The following XKR4 variants were observed in gnomAD, a reference collection of about 807,000 sequenced individuals.
XKR4 encodes XK related 4.
A neutral mutation model predicts 53.9 loss-of-function variants in XKR4; 12 were observed. The ratio of observed to expected loss-of-function variants is 0.22; its 90% CI spans 0.14 to 0.36. The LOEUF (loss-of-function observed/expected upper bound fraction) is 0.36. Ranked by LOEUF, XKR4 falls within the 10% of genes least tolerant of loss-of-function variation. The pLI is 1.00. For synonymous variants in XKR4, 354 were observed against 362.4 expected (o/e 0.98, Z 0.26); for missense variants, 799 against 859.5 (o/e 0.93, Z 0.88).
intron 1 of XKR4, among the ~76,000 whole-genome samples, chr8:55,303,378 G>C (rs1407729884): frequency 6.6e-6 from 1 of 152,138 alleles, no homozygotes; most frequent in African/African-American, 2.4e-5. Flanking sequence ...GCTTTTTGAT[G>C]TGCTGCTGGA....
At position 55,524,642 on chromosome 8, in the gene XKR4, C is replaced by T. The variant is rs984799305; in HGVS notation, c.*415C>T. ...CTAACACACATAAGTTACACCAGTCCTCTGTCAAAAAAGCTTAGGTGACTT... is the reference window on the plus strand; with the variant it reads ...CTAACACACATAAGTTACACCAGTCTTCTGTCAAAAAAGCTTAGGTGACTT... On this transcript the variant is annotated 3_prime_UTR_variant, in exon 3 of 3. Transcript: ENST00000327381. 3 of 159,164 alleles carry T rather than the reference C, an allele frequency of 1.9e-5. No individual in the cohort carries two copies. Among genetic ancestry groups the T allele is most frequent in the African/African-American group, 7.2e-5 (3 of 41,730 alleles). 9.9% of individuals were successfully genotyped at this position (159,164 alleles called of 1,614,324 possible). A position where few individuals can be genotyped will look rare whatever the true frequency, so the allele number is the denominator to read the frequency against.
intron 1 of XKR4, among the ~76,000 whole-genome samples, chr8:55,159,245 T>C (rs1816950996): frequency 1.3e-5 from 2 of 152,186 alleles, no homozygotes; most frequent in Non-Finnish European, 2.9e-5. Context: ...CTTTTATTGG[T>C]AGAAGTAGTC....
At chr8:55,445,381 A>G (rs1290401483) in intron 2 of XKR4, among the ~76,000 whole-genome samples, 3 of 152,186 alleles carry the variant, frequency 2.0e-5, no homozygotes, top group Admixed American at 1.3e-4. Context: ...TTAAAACACA[A>G]TGTTGGGTGG....
At chr8:55,329,585 T>A (rs549735663) in intron 1 of XKR4, among the ~76,000 whole-genome samples, 77 of 152,328 alleles carry the variant, frequency 5.1e-4, no homozygotes, top group Middle Eastern at 6.8e-3. Context: ...ATTTGACATG[T>A]CTTAACTTAG....
At position 55,529,800 on chromosome 8, in the gene XKR4, A is replaced by G. The variant is rs1737233986; in HGVS notation, c.*5573A>G. On this transcript the variant is annotated 3_prime_UTR_variant, in exon 3 of 3. Coordinates refer to ENST00000327381, the MANE Select transcript of XKR4 (RefSeq NM_052898.2). ...CCAAGAAAATTTTATTTAAAAGTCA[A>G]AGATGTCCTTCAAAATGAACAGTTA... 1 of 152,152 alleles carries G rather than the reference A, an allele frequency of 6.6e-6. No homozygotes were observed. The highest frequency in any genetic ancestry group is 2.1e-4 in the South Asian group (1 of 4,816). 9.4% of individuals were successfully genotyped at this position (152,152 alleles called of 1,614,324 possible). A position where few individuals can be genotyped will look rare whatever the true frequency, so the allele number is the denominator to read the frequency against.
chr8:55,137,811 A>T (rs1034677845), intron 1 of XKR4, among the ~76,000 whole-genome samples: 5 of 152,026 alleles, frequency 3.3e-5, no homozygotes, highest in African/African-American at 1.2e-4. Flanking sequence ...ATCTCAAGTG[A>T]TCCTCCCACC....
chr8:55,313,143 T>A (rs1178764280), intron 1 of XKR4, among the ~76,000 whole-genome samples: 2 of 152,204 alleles, frequency 1.3e-5, no homozygotes, highest in Non-Finnish European at 2.9e-5. Flanking sequence ...GTTATTATTA[T>A]GCATTTCCCA....
intron 1 of XKR4, among the ~76,000 whole-genome samples, chr8:55,188,969 G>T (rs1817411636): frequency 6.6e-6 from 1 of 152,130 alleles, no homozygotes; most frequent in South Asian, 2.1e-4. Flanking sequence ...CTGCTCTGTG[G>T]TAGGTGATAG....
intron 2 of XKR4, among the ~76,000 whole-genome samples, chr8:55,415,803 T>G (rs1185677924): frequency 2.0e-5 from 3 of 152,202 alleles, no homozygotes; most frequent in Non-Finnish European, 4.4e-5. Flanking sequence ...AACTGTAGAC[T>G]TGGGCATAAG....
chr8:55,490,776 A>C (rs1806259137), intron 2 of XKR4, among the ~76,000 whole-genome samples: 1 of 149,574 alleles, frequency 6.7e-6, no homozygotes, highest in Non-Finnish European at 1.5e-5. Flanking sequence ...TAGCAATTTA[A>C]TACAAAGTAC....
rs543012877 is a variant in XKR4, at chr8:55,126,644, A to T, written c.806+23350A>T. ...GCCCATCACAACCCAGAGAAGTTCC[A>T]TAAAAAGTTCCCATCAGACTTTCAG... is the stretch of plus-strand genomic sequence containing the variant. On this transcript the variant is annotated intron_variant, in intron 1 of 2. Transcript: ENST00000327381. Among the ~76,000 whole-genome samples the T allele has an allele frequency of 5.1e-4, 77 of 152,360 alleles. No individual in the cohort carries two copies. The South Asian group carries it at 0.015, about 29-fold the overall frequency.
intron 1 of XKR4, among the ~76,000 whole-genome samples, chr8:55,331,214 G>T (rs993920422): frequency 6.6e-6 from 1 of 152,068 alleles, no homozygotes; most frequent in African/African-American, 2.4e-5. Flanking sequence ...TTGGGCCATT[G>T]ATTATTTAAC....
chr8:55,109,069 G>A (rs1259388730), intron 1 of XKR4, among the ~76,000 whole-genome samples: 1 of 152,174 alleles, frequency 6.6e-6, no homozygotes, highest in East Asian at 1.9e-4. Context: ...GGCCCCCTGG[G>A]ACAAAATGGG....
chr8:55,151,337 A>G (rs983251979), intron 1 of XKR4, among the ~76,000 whole-genome samples: 1 of 152,238 alleles, frequency 6.6e-6, no homozygotes, highest in African/African-American at 2.4e-5. Context: ...GCTATGGGAA[A>G]AACAGCAGGA....
chr8:55,189,036 G>A (rs532517071), intron 1 of XKR4, among the ~76,000 whole-genome samples: 14 of 152,294 alleles, frequency 9.2e-5, no homozygotes, highest in Middle Eastern at 3.4e-3. Context: ...ACACACAAGT[G>A]TAATTTGAGG....
chr8:55,202,070 A>C (rs1817582909), intron 1 of XKR4, among the ~76,000 whole-genome samples: 1 of 152,252 alleles, frequency 6.6e-6, no homozygotes, highest in Admixed American at 6.5e-5. Context: ...CCACTCAGGC[A>C]AATGGTGTGA....
chr8:55,368,993 A>G (rs1804032150), intron 2 of XKR4, among the ~76,000 whole-genome samples: 1 of 152,202 alleles, frequency 6.6e-6, no homozygotes, highest in Non-Finnish European at 1.5e-5. Flanking sequence ...CCTATTACAC[A>G]TATTATTAAA....
At chr8:55,423,772 A>G (rs1046623492) in intron 2 of XKR4, among the ~76,000 whole-genome samples, 1 of 152,212 alleles carries the variant, frequency 6.6e-6, no homozygotes, top group Non-Finnish European at 1.5e-5. Context: ...CTTAATTAAC[A>G]TTTCACTGAA....
intron 1 of XKR4, among the ~76,000 whole-genome samples, chr8:55,147,782 C>T (rs557600307): frequency 4.6e-5 from 7 of 152,226 alleles, no homozygotes; most frequent in African/African-American, 1.7e-4. Context: ...TCCTGTGGGC[C>T]TATTTTGTCC....
Sources: gnomAD v4.1 joint callset for allele counts (sites outside exome capture counted in the v4.1 genomes callset) on GRCh38, gnomAD v4.1.1 for gene constraint, MANE v1.5 for transcripts, NCBI Gene and HGNC (gene_info 2026-07-23, HGNC 2026-07-21) for gene names.